HECW2: variants seen among roughly 807,000 people sequenced by gnomAD.
HECW2 encodes E3 ubiquitin-protein ligase HECW2.
HECW2 carries 61 observed loss-of-function variants against 175.2 expected under a neutral mutation model. The observed-to-expected ratio is 0.35, with a 90% CI of 0.28 to 0.43. The LOEUF (loss-of-function observed/expected upper bound fraction) is 0.43. Ranked by LOEUF, HECW2 falls within the 20% of genes least tolerant of loss-of-function variation. The pLI, the probability that HECW2 is intolerant of heterozygous loss-of-function variation, is 1.00. For synonymous variants in HECW2, 671 were observed against 731.0 expected (o/e 0.92, Z 1.32); for missense variants, 1,524 against 2,000.5 (o/e 0.76, Z 4.54).
At chr2:196,389,467 A>AAATG (rs1694444335) in intron 2 of HECW2, among the ~76,000 whole-genome samples, 1 of 152,210 alleles carries the variant, frequency 6.6e-6, no homozygotes, top group African/African-American at 2.4e-5. Context: ...AGTAAATAAT[A>AAATG]CGAAAGCTCT....
At chr2:196,317,196 G>C (rs1020997869) in intron 10 of HECW2, 78 bp downstream of exon 10, 1 of 1,087,166 alleles carries the variant, frequency 9.2e-7, no homozygotes, top group African/African-American at 1.6e-5. Context: ...TCCATCTTTT[G>C]AGACTCATGG....
intron 25 of HECW2, 93 bp from the exon 26 acceptor site, chr2:196,220,246 A>G (rs1687617552): frequency 1.2e-6 from 1 of 813,764 alleles, no homozygotes; most frequent in Non-Finnish European, 2.1e-6. Flanking sequence ...ATGGAGTTTC[A>G]GGAATAATAT....
chr2:196,267,547 A>AG, intron 17 of HECW2, among the ~76,000 whole-genome samples: 1 of 151,946 alleles, frequency 6.6e-6, no homozygotes, highest in East Asian at 1.9e-4. Context: ...AAAAAAAAAA[A>AG]GGACAGCAAC....
At chr2:196,310,592 G>A (rs891002394) in intron 10 of HECW2, among the ~76,000 whole-genome samples, 3 of 152,116 alleles carry the variant, frequency 2.0e-5, no homozygotes, top group Non-Finnish European at 4.4e-5. Context: ...TTTGTTTTTG[G>A]TATAAGAAAG....
chr2:196,427,116 A>G (rs1695569823), intron 2 of HECW2, among the ~76,000 whole-genome samples: 1 of 144,250 alleles, frequency 6.9e-6, no homozygotes, highest in African/African-American at 2.5e-5. Flanking sequence ...CAGAATCTGA[A>G]ATACTTACAT....
intron 16 of HECW2, 21 bp from the exon 17 acceptor site, chr2:196,271,310 G>A: frequency 6.7e-7 from 1 of 1,491,124 alleles, no homozygotes; most frequent in Non-Finnish European, 9.3e-7. Context: ...AATCAGAAAA[G>A]ACAACAATTT....
chr2:196,203,687 T>C (rs921334057), intron 28 of HECW2, among the ~76,000 whole-genome samples: 1 of 152,192 alleles, frequency 6.6e-6, no homozygotes, highest in African/African-American at 2.4e-5. Flanking sequence ...CGATTAACTT[T>C]TCAGTATTTT....
intron 6 of HECW2, among the ~76,000 whole-genome samples, chr2:196,323,714 G>A (rs1227471558): frequency 3.9e-5 from 6 of 152,072 alleles, no homozygotes; most frequent in East Asian, 3.8e-4. Flanking sequence ...CTCATCCTTC[G>A]TGCCTCCCTT....
intron 2 of HECW2, among the ~76,000 whole-genome samples, chr2:196,380,893 T>A (rs1694190134): frequency 6.6e-6 from 1 of 152,276 alleles, no homozygotes; most frequent in Non-Finnish European, 1.5e-5. Flanking sequence ...TAAATGCTCC[T>A]CATGTACTTG....
intron 1 of HECW2, among the ~76,000 whole-genome samples, chr2:196,558,965 C>A (rs1689901090): frequency 6.6e-6 from 1 of 152,166 alleles, no homozygotes; most frequent in African/African-American, 2.4e-5. Context: ...CTATGCCAGG[C>A]ACTATATTAG....
intron 14 of HECW2, 69 bp downstream of exon 14, chr2:196,292,489 AGGGTAGG>A (rs1335433101): frequency 2.4e-6 from 3 of 1,273,004 alleles, no homozygotes; most frequent in Non-Finnish European, 3.3e-6. Context: ...CCTCACTTGA[AGGGTAGG>A]GCCAAGTGTC....
chr2:196,305,739 C>T (rs186865211), intron 13 of HECW2, among the ~76,000 whole-genome samples: 3 of 152,276 alleles, frequency 2.0e-5, no homozygotes, highest in East Asian at 1.9e-4. Flanking sequence ...TCCCTGTCTG[C>T]GATTCCTCTC....
intron 1 of HECW2, among the ~76,000 whole-genome samples, chr2:196,549,680 A>G (rs976975443): frequency 2.0e-5 from 3 of 151,784 alleles, no homozygotes; most frequent in Non-Finnish European, 4.4e-5. Flanking sequence ...ACTACAACTG[A>G]CTTTATAGTT....
intron 2 of HECW2, among the ~76,000 whole-genome samples, chr2:196,429,335 C>G (rs911133568): frequency 1.3e-5 from 2 of 152,126 alleles, no homozygotes; most frequent in African/African-American, 4.8e-5. Context: ...GAAAATGGAC[C>G]CTTGTGGGGT....
chr2:196,246,634 C>A (rs978040633), intron 19 of HECW2, among the ~76,000 whole-genome samples: 1 of 152,042 alleles, frequency 6.6e-6, no homozygotes, highest in Non-Finnish European at 1.5e-5. Flanking sequence ...TTGTGATCCA[C>A]CCCCCTCAGC....
chr2:196,512,099 C>T (rs1687970425), intron 1 of HECW2, among the ~76,000 whole-genome samples: 1 of 152,204 alleles, frequency 6.6e-6, no homozygotes, highest in African/African-American at 2.4e-5. Flanking sequence ...CATATGTATG[C>T]ACACTCTGTG....
intron 1 of HECW2, among the ~76,000 whole-genome samples, chr2:196,491,844 GA>G (rs530819379): frequency 2.0e-5 from 3 of 151,430 alleles, no homozygotes; most frequent in African/African-American, 4.9e-5. Flanking sequence ...AATAATTAAA[GA>G]AAAAAAATTT....
intron 2 of HECW2, among the ~76,000 whole-genome samples, chr2:196,371,275 T>C (rs1441752791): frequency 6.6e-6 from 1 of 152,226 alleles, no homozygotes; most frequent in Non-Finnish European, 1.5e-5. Context: ...TGCATATTCA[T>C]TTTATTAAAC....
At chr2:196,531,606 G>A (rs1454116181) in intron 1 of HECW2, among the ~76,000 whole-genome samples, 1 of 150,664 alleles carries the variant, frequency 6.6e-6, no homozygotes, top group Admixed American at 6.6e-5. Flanking sequence ...AGGTTGCAGT[G>A]TCCTGAGATC....
Sources: gnomAD v4.1 joint callset for allele counts (sites outside exome capture counted in the v4.1 genomes callset) on GRCh38, gnomAD v4.1.1 for gene constraint, MANE v1.5 for transcripts, NCBI Gene and HGNC (gene_info 2026-07-23, HGNC 2026-07-21) for gene names.